Variants in ANKRD55 observed in about 807,000 individuals in gnomAD.
ANKRD55 encodes ankyrin repeat domain-containing protein 55.
A neutral mutation model predicts 60.6 loss-of-function variants in ANKRD55; 41 were observed. The ratio of observed to expected loss-of-function variants is 0.68; its 90% CI spans 0.53 to 0.88. The LOEUF (loss-of-function observed/expected upper bound fraction) is 0.88. ANKRD55 is among the 40% of genes least tolerant of loss of function. The pLI is 0.00. For missense variants in ANKRD55, 732 were observed against 767.6 expected, an observed-to-expected ratio of 0.95 and a Z score of 0.55; for synonymous variants, 264 against 290.3, an observed-to-expected ratio of 0.91 and a Z score of 0.92.
chr5:56,218,370 C>G (rs1255229532), intron 2 of ANKRD55, among the ~76,000 whole-genome samples: 1 of 152,064 alleles, frequency 6.6e-6, no homozygotes, highest in Non-Finnish European at 1.5e-5. Context: ...ATTGATGCAG[C>G]AAACTTTATT....
intron 2 of ANKRD55, chr5:56,193,682 C>G (rs116282558): frequency 4.5e-6 from 1 of 222,518 alleles, no homozygotes; most frequent in African/African-American, 2.3e-5. Context: ...TAGCATTGCC[C>G]TGAAGAAGGA....
At chr5:56,231,973 C>T (rs1241276732) in intron 2 of ANKRD55, among the ~76,000 whole-genome samples, 1 of 152,070 alleles carries the variant, frequency 6.6e-6, no homozygotes, top group Non-Finnish European at 1.5e-5. Flanking sequence ...CAGATAAAAT[C>T]ACCAAAGGAA....
chr5:56,193,062 C>T (rs532960252), intron 2 of ANKRD55: 1 of 836,600 alleles, frequency 1.2e-6, no homozygotes, highest in Admixed American at 2.3e-5. Flanking sequence ...GATGATGACA[C>T]ATATTTCATA....
intron 6 of ANKRD55, among the ~76,000 whole-genome samples, chr5:56,148,537 G>A (rs1366922386): frequency 1.3e-5 from 2 of 152,170 alleles, no homozygotes; most frequent in Admixed American, 1.3e-4. Flanking sequence ...TAACTGTTGG[G>A]TGCATAGTAG....
chr5:56,127,414 A>G (rs1757300343), intron 7 of ANKRD55: 1 of 985,204 alleles, frequency 1.0e-6, no homozygotes, highest in African/African-American at 1.7e-5. Flanking sequence ...CGTCAGAGCT[A>G]GAGTGATCGG....
At chr5:56,221,265 C>T (rs1053337734) in intron 2 of ANKRD55, among the ~76,000 whole-genome samples, 1 of 152,202 alleles carries the variant, frequency 6.6e-6, no homozygotes, top group African/African-American at 2.4e-5. Context: ...GGTTGTCATG[C>T]CAGATTTTTA....
At chr5:56,178,902 G>A (rs1434902687) in intron 3 of ANKRD55, among the ~76,000 whole-genome samples, 1 of 152,068 alleles carries the variant, frequency 6.6e-6, no homozygotes, top group African/African-American at 2.4e-5. Context: ...TGAAATGCCA[G>A]GTGTTGTCAA....
At chr5:56,193,358 T>G in intron 2 of ANKRD55, 1 of 766,486 alleles carries the variant, frequency 1.3e-6, no homozygotes. Flanking sequence ...TCCCTTTGTT[T>G]CAGAACACCA....
At chr5:56,174,588 G>C (rs971743542) in intron 4 of ANKRD55, among the ~76,000 whole-genome samples, 1 of 152,032 alleles carries the variant, frequency 6.6e-6, no homozygotes, top group Non-Finnish European at 1.5e-5. Context: ...TTTAAAAATC[G>C]CCTGGGAGGC....
intron 2 of ANKRD55, among the ~76,000 whole-genome samples, chr5:56,198,588 T>C (rs755174640): frequency 1.3e-5 from 2 of 151,816 alleles, no homozygotes; most frequent in Non-Finnish European, 2.9e-5. Flanking sequence ...CCTAGCCACA[T>C]CTACAATTAT....
intron 10 of ANKRD55, chr5:56,110,619 G>C (rs1756660506): frequency 6.3e-6 from 1 of 158,758 alleles, no homozygotes; most frequent in Non-Finnish European, 1.4e-5. Flanking sequence ...CAACCCTTTG[G>C]TATGTGTTGA....
chr5:56,107,140 T>G lies in ANKRD55; in HGVS notation c.1630+3978A>C, dbSNP rs193228500. Reference sequence around the variant, plus strand: ...ATTTTTGAAACCCTATGACTGTATCTAAACATGAGAAGAAAGTCAATTTAA... The same window carrying G: ...ATTTTTGAAACCCTATGACTGTATCGAAACATGAGAAGAAAGTCAATTTAA... On this transcript the variant is annotated intron_variant, in intron 10 of 11. Coordinates refer to ENST00000341048, the MANE Select transcript of ANKRD55 (RefSeq NM_024669.3). Among the ~76,000 whole-genome samples, 78 of 152,218 alleles carry G rather than the reference T, an allele frequency of 5.1e-4. 1 individual carries two copies. Among genetic ancestry groups the G allele is most frequent in the African/African-American group, 1.9e-3 (77 of 41,544 alleles).
intron 5 of ANKRD55, among the ~76,000 whole-genome samples, chr5:56,162,357 G>T (rs1166494768): frequency 6.6e-6 from 1 of 152,142 alleles, no homozygotes; most frequent in Non-Finnish European, 1.5e-5. Flanking sequence ...TCTAGGGACC[G>T]CATCAACCAG....
chr5:56,170,997 C>T (rs1325747785), intron 4 of ANKRD55, among the ~76,000 whole-genome samples, 194 bp from the exon 5 acceptor site: 1 of 152,152 alleles, frequency 6.6e-6, no homozygotes, highest in African/African-American at 2.4e-5. Context: ...TACAGATTCC[C>T]AGGTTTATGA....
At chr5:56,198,152 T>G (rs1319126642) in intron 2 of ANKRD55, among the ~76,000 whole-genome samples, 1 of 152,194 alleles carries the variant, frequency 6.6e-6, no homozygotes, top group East Asian at 1.9e-4. Context: ...ATTACTTAAT[T>G]GAAAATTTTA....
At chr5:56,160,818 A>C (rs1191198402) in intron 5 of ANKRD55, 1 of 152,210 alleles carries the variant, frequency 6.6e-6, no homozygotes, top group Admixed American at 6.5e-5. Context: ...AGTTGACTGA[A>C]GTCAACGCTC....
At chr5:56,212,446 TGCAGTAAGATATGAA>T (rs1561294805) in intron 2 of ANKRD55, among the ~76,000 whole-genome samples, 1 of 152,118 alleles carries the variant, frequency 6.6e-6, no homozygotes, top group Non-Finnish European at 1.5e-5. Context: ...TTCTAACAAA[TGCAGTAAGATATGAA>T]GCAAAAAGAA....
chr5:56,208,855 C>A (rs141583301), intron 2 of ANKRD55, among the ~76,000 whole-genome samples: 128 of 152,304 alleles, frequency 8.4e-4, no homozygotes, highest in African/African-American at 2.9e-3. Context: ...AGAAAACGTT[C>A]AGTTCCATCA....
intron 7 of ANKRD55, chr5:56,137,289 A>G: frequency 3.2e-6 from 5 of 1,580,380 alleles, no homozygotes; most frequent in Admixed American, 1.7e-5. Flanking sequence ...TGCTGAACTT[A>G]TGGGTTTCGA....
Sources: allele counts gnomAD v4.1 joint callset (sites outside exome capture counted in the v4.1 genomes callset), GRCh38; gene constraint gnomAD v4.1.1; transcripts MANE v1.5; gene names NCBI Gene and HGNC (gene_info 2026-07-23, HGNC 2026-07-21).